ANKRD24: variants seen among roughly 807,000 people sequenced by gnomAD.
The protein encoded by ANKRD24 is ankyrin repeat domain 24, also known as ankyrin repeat domain-containing protein 24.
In ANKRD24, 109 loss-of-function variants were observed where a neutral mutation model predicts 127.8. That is an observed-to-expected ratio of 0.85 (90% CI 0.73 to 1.00). The LOEUF is 1.00. ANKRD24 is among the 50% of genes least tolerant of loss of function. The pLI, the probability that ANKRD24 is intolerant of heterozygous loss-of-function variation, is 0.00. For synonymous variants in ANKRD24, 743 were observed against 671.1 expected (o/e 1.11, Z -1.66); for missense variants, 1,648 against 1,570.2 (o/e 1.05, Z -0.84).
chr19:4,187,018 A>C (rs1968104097), intron 2 of ANKRD24, among the ~76,000 whole-genome samples: 1 of 152,208 alleles, frequency 6.6e-6, no homozygotes, highest in South Asian at 2.1e-4. Flanking sequence ...AAGCAGGAAA[A>C]GGGAATTGAA....
chr19:4,193,617 C>T (rs1191391166), intron 2 of ANKRD24, among the ~76,000 whole-genome samples: 2 of 151,922 alleles, frequency 1.3e-5, no homozygotes, highest in Non-Finnish European at 2.9e-5. Context: ...GCGAGCAGAT[C>T]ACCTGAGATC....
chr19:4,191,088 G>C (rs1014313232), intron 2 of ANKRD24, among the ~76,000 whole-genome samples: 7 of 152,142 alleles, frequency 4.6e-5, no homozygotes, highest in African/African-American at 9.7e-5. Context: ...TCTGGAGCTG[G>C]AGGGGCCTGA....
chr19:4,194,616 G>C (rs887625112), intron 2 of ANKRD24, among the ~76,000 whole-genome samples: 1 of 152,212 alleles, frequency 6.6e-6, no homozygotes, highest in Non-Finnish European at 1.5e-5. Context: ...TTTAAGCTGA[G>C]TGAGGTCTCT....
chr19:4,193,286 A>AAC (rs1174223516), intron 2 of ANKRD24, among the ~76,000 whole-genome samples: 683 of 35,366 alleles, frequency 0.019, 14 homozygotes, highest in African/African-American at 0.069. Flanking sequence ...TGGGCAATAG[A>AAC]GCGACTCCAT....
chr19:4,210,709 A>ACACTTCCCATGCC (rs139610132), intron 13 of ANKRD24, among the ~76,000 whole-genome samples: 5,517 of 147,740 alleles, frequency 0.037, 424 homozygotes, highest in African/African-American at 0.13. Flanking sequence ...CTCGCCAAAG[A>ACACTTCCCATGCC]CACTTCCCAT....
chr19:4,191,513 C>T (rs569776039), intron 2 of ANKRD24, among the ~76,000 whole-genome samples: 3 of 151,832 alleles, frequency 2.0e-5, no homozygotes, highest in Non-Finnish European at 4.4e-5. Flanking sequence ...GACAGAGTCT[C>T]GCTGTGTTGC....
rs1246999997 is a variant in ANKRD24, at chr19:4,210,347, A to G, written c.1034A>G (p.Gln345Arg). Residue 345 changes from glutamine to arginine, a missense_variant, in exon 13 of 22, where the codon CAG becomes CGG. Gln to Arg is a conservative substitution (Grantham distance 43, BLOSUM62 1). Coordinates refer to ENST00000318934, the MANE Select transcript of ANKRD24 (RefSeq NM_001393985.1). ...CTGCAGAAGATCCGGGGCCTGGAACAGCACAAGGAACGGAGGCAGCAGGAG... is the reference window on the plus strand; with the variant it reads ...CTGCAGAAGATCCGGGGCCTGGAACGGCACAAGGAACGGAGGCAGCAGGAG... ...RLLQKIRGLE[Q>R]HKERRQQESP... The G allele has an allele frequency of 6.4e-7, 1 of 1,570,568 alleles. No individual in the cohort carries two copies. Among genetic ancestry groups the G allele is most frequent in the African/African-American group, 1.4e-5 (1 of 73,968 alleles).
chr19:4,223,393 A>ATTTTT (rs1204092268), intron 20 of ANKRD24, among the ~76,000 whole-genome samples: 1 of 78,914 alleles, frequency 1.3e-5, no homozygotes, highest in African/African-American at 7.0e-5. Context: ...ATATATATAT[A>ATTTTT]TATATATATT....
At chr19:4,192,985 A>T (rs894773732) in intron 2 of ANKRD24, among the ~76,000 whole-genome samples, 7 of 151,526 alleles carry the variant, frequency 4.6e-5, no homozygotes, top group African/African-American at 1.7e-4. Context: ...GAATATTTTT[A>T]AAAAGGTATG....
At position 4,213,223 on chromosome 19, in the gene ANKRD24, T is replaced by TTCCTTCCTTCCCTCCC. The variant is rs1252342341; in HGVS notation, c.1197+537_1197+552dup. On this transcript the variant is annotated intron_variant, in intron 15 of 21. Transcript: ENST00000318934. ...GGACCTTCCTTTCTTCCCCTTCTCC[T>TTCCTTCCTTCCCTCCC]TCCTTCCTTCCCTCCCTCCTTCCTT... Among the ~76,000 whole-genome samples, 744 of 94,144 alleles carry TTCCTTCCTTCCCTCCC rather than the reference T, an allele frequency of 7.9e-3. 7 individuals carry two copies. Among genetic ancestry groups the TTCCTTCCTTCCCTCCC allele is most frequent in the African/African-American group, 0.026 (624 of 24,012 alleles). 61.8% of individuals were successfully genotyped at this position (94,144 alleles called of 152,430 possible). A position where few individuals can be genotyped will look rare whatever the true frequency, so the allele number is the denominator to read the frequency against.
At chr19:4,208,323 G>A (rs1272140268) in intron 10 of ANKRD24, among the ~76,000 whole-genome samples, 1 of 152,064 alleles carries the variant, frequency 6.6e-6, no homozygotes, top group Non-Finnish European at 1.5e-5. Flanking sequence ...GACCAACATG[G>A]TGAAACCCTG....
At chr19:4,194,570 G>A (rs1186649668) in intron 2 of ANKRD24, among the ~76,000 whole-genome samples, 2 of 152,242 alleles carry the variant, frequency 1.3e-5, no homozygotes, top group African/African-American at 2.4e-5. Context: ...GAAACAGGCA[G>A]TGGGCAGGAT....
intron 6 of ANKRD24, 138 bp from the exon 7 acceptor site, chr19:4,202,731 T>G: frequency 1.1e-6 from 1 of 872,430 alleles, no homozygotes; most frequent in East Asian, 2.7e-5. Context: ...TCACCAATTT[T>G]CATGAAAATG....
intron 2 of ANKRD24, among the ~76,000 whole-genome samples, chr19:4,194,944 G>T (rs1233454846): frequency 6.6e-6 from 1 of 151,840 alleles, no homozygotes; most frequent in Non-Finnish European, 1.5e-5. Context: ...ACCTCAGTGG[G>T]CTCCGAGGGG....
chr19:4,202,142 T>G, intron 6 of ANKRD24, 52 bp downstream of exon 6: 1 of 1,519,484 alleles, frequency 6.6e-7, no homozygotes, highest in Non-Finnish European at 9.1e-7. Context: ...TACTCCTGAG[T>G]TCCAGCAATT....
Position 4,224,173 on chromosome 19 carries a change from ACCT to A in ANKRD24, c.3348_3350del (p.Leu1117del), listed in dbSNP as rs1970613805. 1.9e-6 allele frequency: 3 copies of A among 1,611,636 alleles called. No individual in the cohort carries two copies. Among genetic ancestry groups the A allele is most frequent in the Non-Finnish European group, 2.5e-6 (3 of 1,179,304 alleles). ...AGCGTGGTGGCTTTGTACAGAAGCC[ACCT>A]CCTATATGCCATTCAGGTGAGTGGC... On this transcript the variant is annotated inframe_deletion, in exon 21 of 22. Coordinates refer to ENST00000318934, the MANE Select transcript of ANKRD24 (RefSeq NM_001393985.1).
At chr19:4,218,589 C>T (rs982361266) in intron 18 of ANKRD24, among the ~76,000 whole-genome samples, 2 of 152,008 alleles carry the variant, frequency 1.3e-5, no homozygotes, top group Non-Finnish European at 2.9e-5. Flanking sequence ...CATCAGCCTC[C>T]GCACCTGGCC....
chr19:4,192,950 TAAAAA>T (rs1040876781), intron 2 of ANKRD24, among the ~76,000 whole-genome samples: 9 of 151,044 alleles, frequency 6.0e-5, no homozygotes, highest in African/African-American at 2.2e-4. Context: ...AATAAATAAA[TAAAAA>T]TAAAAAATGA....
intron 1 of ANKRD24, among the ~76,000 whole-genome samples, chr19:4,183,090 T>C (rs1967832125): frequency 6.6e-6 from 1 of 151,842 alleles, no homozygotes; most frequent in African/African-American, 2.4e-5. Flanking sequence ...GCGATTCTCC[T>C]GCCTCAGCCT....
Sources: allele counts gnomAD v4.1 joint callset (sites outside exome capture counted in the v4.1 genomes callset), GRCh38; gene constraint gnomAD v4.1.1; transcripts MANE v1.5; gene names NCBI Gene and HGNC (gene_info 2026-07-23, HGNC 2026-07-21).